Variants in GLUD1 observed in about 807,000 individuals in gnomAD.
GLUD1 encodes glutamate dehydrogenase 1, mitochondrial.
Under a neutral mutation model 56.0 loss-of-function variants are expected in GLUD1, and 22 were observed. The ratio of observed to expected loss-of-function variants is 0.39; its 90% CI spans 0.28 to 0.56. The LOEUF is 0.56. GLUD1 is among the 20% of genes least tolerant of loss of function. The probability of loss-of-function intolerance (pLI) is 0.58; values close to 1 mark genes in which losing one functional copy is unlikely to be tolerated. For missense variants in GLUD1, 451 were observed against 732.0 expected, an observed-to-expected ratio of 0.62 and a Z score of 4.43; for synonymous variants, 223 against 269.9, an observed-to-expected ratio of 0.83 and a Z score of 1.70.
rs368203417 is a variant in GLUD1, at chr10:87,074,567, T to C, written c.630A>G (p.Ala210=). Residue 210 remains alanine (A), a synonymous_variant, in exon 4 of 13, where the codon GCA becomes GCG. Transcript: ENST00000277865. ...KITRRFTMEL[A]KKGFIGPGID... ...TACACATACCAATAAAGCCCTTTTT[T>C]GCTAGCTCCATGGTGAACCTCCTTG... The C allele has an allele frequency of 8.4e-4, 1,328 of 1,587,970 alleles. 20 individuals are homozygous for C. In the South Asian group the frequency reaches 0.014, roughly 16 times the overall value.
chr10:87,058,066 C>T (rs1445829509), intron 10 of GLUD1, among the ~76,000 whole-genome samples: 1 of 152,192 alleles, frequency 6.6e-6, no homozygotes, highest in African/African-American at 2.4e-5. Context: ...GACGGGGTTT[C>T]ACCGTGTTAG....
At chr10:87,059,318 C>A in intron 9 of GLUD1, 45 bp from the exon 10 acceptor site, 2 of 1,598,986 alleles carry the variant, frequency 1.3e-6, no homozygotes, top group South Asian at 2.2e-5. Flanking sequence ...TGATGGTTTT[C>A]GTAAAAGCTG....
intron 1 of GLUD1, among the ~76,000 whole-genome samples, chr10:87,077,238 T>A (rs890981107): frequency 3.3e-5 from 5 of 152,232 alleles, no homozygotes; most frequent in South Asian, 2.1e-4. Flanking sequence ...CTCAAACTCC[T>A]GGGCTCAAGT....
chr10:87,067,826 A>G (rs1014727891), intron 5 of GLUD1: 2 of 482,230 alleles, frequency 4.1e-6, no homozygotes, highest in Non-Finnish European at 7.6e-6. Context: ...GTCTTAGCAC[A>G]GTGGGCTGCC....
chr10:87,054,129 T>TA (rs1303009749), intron 11 of GLUD1, among the ~76,000 whole-genome samples: 1 of 152,152 alleles, frequency 6.6e-6, no homozygotes, highest in Non-Finnish European at 1.5e-5. Flanking sequence ...ACAAAACACA[T>TA]ATGCCCGATA....
chr10:87,068,007 GTT>G (rs1239841911), intron 5 of GLUD1, 54 bp downstream of exon 5: 53 of 1,011,424 alleles, frequency 5.2e-5, no homozygotes, highest in Non-Finnish European at 7.9e-5. Flanking sequence ...CAGTCAAACT[GTT>G]AATTCTTGTA....
At chr10:87,072,121 A>T (rs1413578365) in intron 4 of GLUD1, among the ~76,000 whole-genome samples, 3 of 152,166 alleles carry the variant, frequency 2.0e-5, no homozygotes, top group Non-Finnish European at 4.4e-5. Flanking sequence ...AAAAATTAAA[A>T]AATTAGCTAG....
intron 1 of GLUD1, among the ~76,000 whole-genome samples, chr10:87,086,920 C>T (rs1455309921): frequency 2.6e-5 from 4 of 152,034 alleles, no homozygotes; most frequent in Admixed American, 2.6e-4. Context: ...AAGCAGTTCT[C>T]CAGTTCTCTG....
In GLUD1 at chr10:87,077,829, T is replaced by C. The variant is rs189074493; in HGVS notation, c.446-1173A>G. ...AGAAGCTGCAGCATTTTTTCTACCC[T>C]CCCACTCCCAACAGATTCAGCCCCT... On this transcript the variant is annotated intron_variant, in intron 1 of 12. Transcript: ENST00000277865. Among the ~76,000 whole-genome samples, 504 of 152,026 alleles carry C rather than the reference T, an allele frequency of 3.3e-3. 1 individual carries two copies. Among genetic ancestry groups the C allele is most frequent in the Middle Eastern group, 6.8e-3 (2 of 294 alleles).
intron 4 of GLUD1, among the ~76,000 whole-genome samples, chr10:87,069,467 A>G (rs1846165189): frequency 6.6e-6 from 1 of 150,730 alleles, no homozygotes; most frequent in South Asian, 2.1e-4. Flanking sequence ...GTGAGCCAAG[A>G]TCGCGCCAGT....
intron 1 of GLUD1, chr10:87,093,841 T>C: frequency 2.8e-6 from 3 of 1,064,674 alleles, no homozygotes; most frequent in South Asian, 1.3e-5. Context: ...GCCAAGTCAT[T>C]TTCTATGTTC....
Position 87,082,813 on chromosome 10 carries a change from A to G in GLUD1, c.446-6157T>C, listed in dbSNP as rs145671057. Among the ~76,000 whole-genome samples the G allele has an allele frequency of 1.2e-3, 185 of 152,352 alleles. 1 individual carries two copies. Among genetic ancestry groups the G allele is most frequent in the African/African-American group, 4.2e-3 (176 of 41,578 alleles). ...AATACTTGAGACAAAACAATCTCCA[A>G]TAAGACACAATGTACCCACACACAG... On this transcript the variant is annotated intron_variant, in intron 1 of 12. Transcript: ENST00000277865.
intron 10 of GLUD1, 39 bp from the exon 11 acceptor site, chr10:87,057,821 G>GAAAAAAAA: frequency 2.8e-6 from 2 of 722,498 alleles, no homozygotes; most frequent in Non-Finnish European, 4.7e-6. Flanking sequence ...ATTGCTAACA[G>GAAAAAAAA]AAAAAAAAAA....
rs200500926 is a variant in GLUD1, at chr10:87,063,426, AG to A, written c.742-592del. The stretch of plus-strand genomic sequence containing the variant: ...ACAAGAGTGTAGGGATTGAACATCA[AG>A]TAAGTACAAATAACATCACAAAAGT... On this transcript the variant is annotated intron_variant, in intron 5 of 12. Coordinates refer to ENST00000277865, the MANE Select transcript of GLUD1 (RefSeq NM_005271.5). Among the ~76,000 whole-genome samples the A allele has an allele frequency of 8.0e-3, 1,219 of 152,268 alleles. 8 individuals are homozygous for A. Among genetic ancestry groups the A allele is most frequent in the African/African-American group, 0.028 (1,150 of 41,536 alleles).
In GLUD1 at chr10:87,094,729, G is replaced by T. The variant is rs780675980; in HGVS notation, c.41C>A (p.Ala14Asp). Residue 14 changes from alanine (A) to aspartate (D), a missense_variant, in exon 1 of 13, where the codon GCC becomes GAC. Coordinates refer to ENST00000277865, the MANE Select transcript of GLUD1 (RefSeq NM_005271.5). The surrounding 1 kb of genome is among the most constrained non-coding windows in gnomAD (Gnocchi z 6.6). ...YLGEALLLSR[A>D]GPAALGSASA... is the part of the protein sequence containing the mutation. ...CGCCGAGCCCAGGGCAGCGGGCCCG[G>T]CCCGGGACAGCAACAGCGCTTCGCC... 1 of 1,522,552 alleles carries T rather than the reference G, an allele frequency of 6.6e-7. No homozygotes were observed. Among genetic ancestry groups the T allele is most frequent in the Admixed American group, 2.0e-5 (1 of 51,004 alleles). 94.3% of individuals were successfully genotyped at this position (1,522,552 alleles called of 1,614,324 possible).
At position 87,094,113 on chromosome 10, in the gene GLUD1, G is replaced by A. The variant is rs533565096; in HGVS notation, c.445+212C>T. 4 of 1,496,654 alleles carry A rather than the reference G, an allele frequency of 2.7e-6. No homozygotes were observed. In the African/African-American group the frequency reaches 4.2e-5, roughly 16 times the overall value. The allele number at this position is 1,496,654 out of a possible 1,614,324, so 92.7% of individuals were successfully genotyped here. A position where few individuals can be genotyped will look rare whatever the true frequency, so the allele number is the denominator to read the frequency against. ...AGAGGCCCGGGGTGACGGCGCGGGGGAGGGGGCAGGCCAATCGCATGATGA... is the reference window on the plus strand; with the variant it reads ...AGAGGCCCGGGGTGACGGCGCGGGGAAGGGGGCAGGCCAATCGCATGATGA... On this transcript the variant is annotated intron_variant, in intron 1 of 12. Transcript: ENST00000277865. The surrounding 1 kb of genome is among the most constrained non-coding windows in gnomAD (Gnocchi z 6.6).
chr10:87,075,972 T>A lies in GLUD1; in HGVS notation c.578A>T (p.Tyr193Phe). The A allele has an allele frequency of 6.3e-7, 1 of 1,577,988 alleles. No homozygotes were observed. The highest frequency in any genetic ancestry group is 8.7e-7 in the Non-Finnish European group (1 of 1,150,924). Residue 193 changes from tyrosine (Y) to phenylalanine (F), a missense_variant, in exon 3 of 13, where the codon TAT (tyrosine) becomes TTT (phenylalanine). This residue lies in a region of GLUD1 where 248 missense variants were observed against 460.0 expected (regional missense o/e 0.54). Coordinates refer to ENST00000277865, the MANE Select transcript of GLUD1 (RefSeq NM_005271.5). ...AAATATCACTTTCATACTTACAGTA[T>A]AGTTCTTGGGATTGATCTTAACACC... ...KAGVKINPKN[Y>F]TDNELEKITR... is the part of the protein sequence containing the mutation.
intron 1 of GLUD1, among the ~76,000 whole-genome samples, chr10:87,083,370 G>A (rs184467651): frequency 6.6e-6 from 1 of 152,278 alleles, no homozygotes; most frequent in East Asian, 1.9e-4. Context: ...GGAAAGCCTA[G>A]CACTTTTGAA....
At chr10:87,070,938 G>A (rs1042132821) in intron 4 of GLUD1, among the ~76,000 whole-genome samples, 3 of 151,806 alleles carry the variant, frequency 2.0e-5, no homozygotes, top group African/African-American at 4.8e-5. Context: ...GACCATCCTG[G>A]CTAACACAGT....
Sources: gnomAD v4.1 joint callset for allele counts (sites outside exome capture counted in the v4.1 genomes callset) on GRCh38, gnomAD v4.1.1 for gene constraint, gnomAD v4.1.1 regional missense constraint, Gnocchi (gnomAD v3.1) non-coding constraint, MANE v1.5 for transcripts, NCBI Gene and HGNC (gene_info 2026-07-23, HGNC 2026-07-21) for gene names.